SP140L: variants seen among roughly 807,000 people sequenced by gnomAD.
SP140L encodes nuclear body protein SP140-like protein.
Under a neutral mutation model 84.3 loss-of-function variants are expected in SP140L, and 64 were observed. The observed-to-expected ratio is 0.76, with a 90% CI of 0.62 to 0.94. SP140L has a LOEUF of 0.94. SP140L is among the 40% of genes least tolerant of loss of function. SP140L has a pLI of 0.00. For missense variants in SP140L, 628 were observed against 692.5 expected, an observed-to-expected ratio of 0.91 and a Z score of 1.05; for synonymous variants, 242 against 236.9, an observed-to-expected ratio of 1.02 and a Z score of -0.20.
chr2:230,358,153 C>G (rs1472227835), intron 3 of SP140L, among the ~76,000 whole-genome samples, 186 bp downstream of exon 3: 1 of 152,126 alleles, frequency 6.6e-6, no homozygotes, highest in Non-Finnish European at 1.5e-5. Context: ...ACTGGAGAAA[C>G]TGGAACGGAA....
At chr2:230,381,281 G>A (rs749995293) in intron 7 of SP140L, among the ~76,000 whole-genome samples, 13 of 152,254 alleles carry the variant, frequency 8.5e-5, no homozygotes, top group Non-Finnish European at 1.5e-4. Flanking sequence ...AATTTCTAAG[G>A]AGGGAGATGT....
intron 5 of SP140L, among the ~76,000 whole-genome samples, chr2:230,361,927 A>T (rs1262930904): frequency 6.6e-6 from 1 of 152,202 alleles, no homozygotes. Context: ...ACCAGAGCCA[A>T]GTGTGTCAGT....
intron 2 of SP140L, among the ~76,000 whole-genome samples, chr2:230,345,270 G>T (rs963962250): frequency 6.6e-6 from 1 of 152,108 alleles, no homozygotes; most frequent in Non-Finnish European, 1.5e-5. Context: ...GTCTTATGTG[G>T]CCATTTTTTA....
chr2:230,357,940 G>A lies in SP140L; in HGVS notation c.243G>A (p.Arg81=), dbSNP rs10498250. 1 of 1,612,594 alleles carries A rather than the reference G, an allele frequency of 6.2e-7. No homozygotes were observed. Among genetic ancestry groups the A allele is most frequent in the African/African-American group, 1.3e-5 (1 of 74,814 alleles). ...TFPFLEGLRD[R]ELITNKMFED... is the part of the protein sequence containing the mutation. Reference sequence around the variant, plus strand: ...CATTCCTTGAGGGCCTCCGCGATCGGGAACTCATCACAAATAAAATGTTTG... The same window carrying A: ...CATTCCTTGAGGGCCTCCGCGATCGAGAACTCATCACAAATAAAATGTTTG... The change falls in exon 3 of 19, where the codon CGG becomes CGA. Residue 81 remains arginine, a synonymous_variant. Transcript: ENST00000415673.
At chr2:230,382,374 C>A (rs950837642) in intron 7 of SP140L, among the ~76,000 whole-genome samples, 2 of 152,090 alleles carry the variant, frequency 1.3e-5, no homozygotes, top group Non-Finnish European at 2.9e-5. Flanking sequence ...ACAGATATCA[C>A]CAATGCTCCT....
chr2:230,328,110 T>G (rs1575417003), intron 1 of SP140L, among the ~76,000 whole-genome samples: 1 of 152,192 alleles, frequency 6.6e-6, no homozygotes, highest in Non-Finnish European at 1.5e-5. Flanking sequence ...CAGGCTGGAG[T>G]GCAGTGGCAC....
At chr2:230,390,917 A>C (rs894262508) in intron 11 of SP140L, among the ~76,000 whole-genome samples, 3 of 152,216 alleles carry the variant, frequency 2.0e-5, no homozygotes, top group African/African-American at 7.2e-5. Flanking sequence ...AGCCCTAAGC[A>C]GCTGCTAATC....
At chr2:230,385,357 T>C (rs1175671183) in intron 9 of SP140L, 53 bp downstream of exon 9, 67 of 1,509,200 alleles carry the variant, frequency 4.4e-5, no homozygotes, top group Non-Finnish European at 4.0e-5. Context: ...AATGCACATG[T>C]TGAGGTTTTG....
At chr2:230,390,285 G>A (rs2061747065) in intron 11 of SP140L, among the ~76,000 whole-genome samples, 1 of 152,222 alleles carries the variant, frequency 6.6e-6, no homozygotes, top group Non-Finnish European at 1.5e-5. Flanking sequence ...GATGGAAAAT[G>A]TCAGGTATTT....
intron 13 of SP140L, 73 bp from the exon 14 acceptor site, chr2:230,396,684 T>C (rs1468600469): frequency 1.3e-6 from 2 of 1,557,344 alleles, no homozygotes; most frequent in Non-Finnish European, 8.8e-7. Context: ...AGATGACTAT[T>C]TAAATTTAAG....
intron 7 of SP140L, among the ~76,000 whole-genome samples, chr2:230,381,082 C>T (rs2061388818): frequency 6.6e-6 from 1 of 152,148 alleles, no homozygotes; most frequent in Non-Finnish European, 1.5e-5. Context: ...GGATGGTGCA[C>T]TCACAAGTGT....
At chr2:230,355,722 C>T (rs1007846808) in intron 2 of SP140L, among the ~76,000 whole-genome samples, 2 of 152,122 alleles carry the variant, frequency 1.3e-5, no homozygotes, top group African/African-American at 4.8e-5. Flanking sequence ...AACCCATGTT[C>T]ATATTGTAAA....
chr2:230,357,989 AC>A, intron 3 of SP140L, 22 bp downstream of exon 3: 2 of 1,610,836 alleles, frequency 1.2e-6, no homozygotes, highest in Admixed American at 1.7e-5. Context: ...TTATTTCACA[AC>A]CTGGCAGATA....
intron 2 of SP140L, among the ~76,000 whole-genome samples, chr2:230,337,207 C>T (rs1158314865): frequency 1.3e-5 from 2 of 151,880 alleles, no homozygotes; most frequent in Non-Finnish European, 2.9e-5. Flanking sequence ...GAGATGGTAT[C>T]TCATTGTGGT....
At chr2:230,400,038 C>A in intron 14 of SP140L, 89 bp from the exon 15 acceptor site, 1 of 1,384,708 alleles carries the variant, frequency 7.2e-7, no homozygotes, top group East Asian at 2.3e-5. Flanking sequence ...TACAGGCTCA[C>A]ACATAAGCAG....
chr2:230,361,785 T>C lies in SP140L; in HGVS notation c.523+88T>C, dbSNP rs78087143. The C allele has an allele frequency of 3.0e-3, 2,981 of 984,910 alleles. 69 individuals are homozygous for C. The African/African-American group carries it at 0.043, about 14-fold the overall frequency. The allele number at this position is 984,910 out of a possible 1,614,324, so 61.0% of individuals were successfully genotyped here. A position where few individuals can be genotyped will look rare whatever the true frequency, so the allele number is the denominator to read the frequency against. ...GAGGGCCCAAGGTCCTGAGGGGAAA[T>C]TGTGAAACAGGGAAGACACAGGGAA... On this transcript the variant is annotated intron_variant, in intron 5 of 18. Transcript: ENST00000415673.
chr2:230,355,920 A>G (rs1158045207), intron 2 of SP140L, among the ~76,000 whole-genome samples: 1 of 152,158 alleles, frequency 6.6e-6, no homozygotes, highest in Non-Finnish European at 1.5e-5. Flanking sequence ...CAATACATAA[A>G]TCAGACAAAA....
At chr2:230,398,253 C>T (rs1005595437) in intron 14 of SP140L, among the ~76,000 whole-genome samples, 4 of 152,200 alleles carry the variant, frequency 2.6e-5, no homozygotes, top group Non-Finnish European at 5.9e-5. Context: ...GTGCCTCAAC[C>T]CTGACCCAGT....
chr2:230,367,258 C>A (rs1219848470), intron 5 of SP140L, among the ~76,000 whole-genome samples: 1 of 146,148 alleles, frequency 6.8e-6, no homozygotes, highest in Non-Finnish European at 1.5e-5. Context: ...TTCTCATTTT[C>A]TTTTCTTTTC....
Sources: gnomAD v4.1 joint callset for allele counts (sites outside exome capture counted in the v4.1 genomes callset) on GRCh38, gnomAD v4.1.1 for gene constraint, MANE v1.5 for transcripts, NCBI Gene and HGNC (gene_info 2026-07-23, HGNC 2026-07-21) for gene names.